Variants in EHD4 observed in about 807,000 individuals in gnomAD.
EHD4 encodes EH domain containing 4.
EHD4 carries 37 observed loss-of-function variants against 51.0 expected under a neutral mutation model. That is an observed-to-expected ratio of 0.73 (90% CI 0.56 to 0.95). The LOEUF is 0.95. Ranked by LOEUF, EHD4 falls within the 40% of genes least tolerant of loss-of-function variation. The pLI is 0.00. For missense variants in EHD4, 632 were observed against 733.1 expected (o/e 0.86, Z 1.59); for synonymous variants, 297 against 317.3 (o/e 0.94, Z 0.68).
chr15:41,911,111 A>G (rs2067546719), intron 4 of EHD4, among the ~76,000 whole-genome samples: 1 of 152,178 alleles, frequency 6.6e-6, no homozygotes, highest in Non-Finnish European at 1.5e-5. Context: ...GACACAGCCA[A>G]AAACATTTTG....
chr15:41,952,996 C>A (rs1371053885), intron 2 of EHD4, among the ~76,000 whole-genome samples: 16 of 81,202 alleles, frequency 2.0e-4, no homozygotes, highest in Non-Finnish European at 3.6e-4. Flanking sequence ...TCTTCCCCCC[C>A]GCAAAAAAAA....
intron 2 of EHD4, 28 bp downstream of exon 2, chr15:41,953,736 C>A: frequency 6.4e-7 from 1 of 1,566,204 alleles, no homozygotes; most frequent in East Asian, 2.3e-5. Flanking sequence ...AACAGCCTGA[C>A]CGAAGATGGC....
intron 3 of EHD4, among the ~76,000 whole-genome samples, chr15:41,927,245 T>C (rs1362662608): frequency 6.6e-6 from 1 of 152,248 alleles, no homozygotes; most frequent in African/African-American, 2.4e-5. Context: ...ATTTGGTTTA[T>C]TCCTCCAAAA....
intron 4 of EHD4, among the ~76,000 whole-genome samples, chr15:41,917,904 G>A (rs575971664): frequency 6.6e-6 from 1 of 152,304 alleles, no homozygotes; most frequent in East Asian, 1.9e-4. Flanking sequence ...GAGCCATATG[G>A]GAGGAATGCA....
chr15:41,950,951 T>A (rs1261747154), intron 2 of EHD4, among the ~76,000 whole-genome samples: 1 of 152,186 alleles, frequency 6.6e-6, no homozygotes, highest in African/African-American at 2.4e-5. Context: ...TGGGACATAA[T>A]CACCGTCATC....
chr15:41,927,839 G>A (rs530740312), intron 3 of EHD4, among the ~76,000 whole-genome samples: 20 of 152,280 alleles, frequency 1.3e-4, no homozygotes, highest in Admixed American at 6.5e-4. Context: ...GGTAGATTTC[G>A]TTAAGTGTTC....
chr15:41,931,062 C>T (rs2067695013), intron 3 of EHD4, among the ~76,000 whole-genome samples: 2 of 152,182 alleles, frequency 1.3e-5, no homozygotes, highest in South Asian at 2.1e-4. Flanking sequence ...AATAAAAAGA[C>T]CGCCGCTCCT....
intron 5 of EHD4, among the ~76,000 whole-genome samples, chr15:41,905,952 G>T (rs916635551): frequency 6.6e-5 from 10 of 152,248 alleles, no homozygotes; most frequent in Non-Finnish European, 8.8e-5. Flanking sequence ...GATTACAGGC[G>T]TAAGCCACTA....
intron 3 of EHD4, among the ~76,000 whole-genome samples, chr15:41,937,638 G>A (rs1049910952): frequency 6.6e-6 from 1 of 152,222 alleles, no homozygotes; most frequent in African/African-American, 2.4e-5. Flanking sequence ...ACCAAAGCCT[G>A]AGAGGGGAAG....
At chr15:41,910,742 T>C (rs1397663040) in intron 4 of EHD4, among the ~76,000 whole-genome samples, 2 of 152,184 alleles carry the variant, frequency 1.3e-5, no homozygotes, top group African/African-American at 2.4e-5. Context: ...CTAATTTTTG[T>C]ATTTTTAGTA....
At position 41,945,368 on chromosome 15, in the gene EHD4, CTGACA is replaced by C. The variant is rs1425185172; in HGVS notation, c.414-2209_414-2205del. The stretch of plus-strand genomic sequence containing the variant: ...AGCCTTTCCACAGCTCCCAGGCCTC[CTGACA>C]TGACAGCAGAGGCCAGGCACGGGAG... On this transcript the variant is annotated intron_variant, in intron 2 of 5. Transcript: ENST00000220325. 2.6e-5 allele frequency among the ~76,000 whole-genome samples: 4 copies of C among 152,352 alleles called. No homozygotes were observed. In the East Asian group the frequency reaches 7.7e-4, roughly 29 times the overall value.
At chr15:41,947,983 G>A (rs1295348175) in intron 2 of EHD4, among the ~76,000 whole-genome samples, 11 of 150,240 alleles carry the variant, frequency 7.3e-5, no homozygotes, top group African/African-American at 2.4e-4. Flanking sequence ...TAGGCCAGGC[G>A]CGGTGGCTCA....
At chr15:41,932,992 G>A (rs969183052) in intron 3 of EHD4, among the ~76,000 whole-genome samples, 1 of 152,226 alleles carries the variant, frequency 6.6e-6, no homozygotes, top group African/African-American at 2.4e-5. Flanking sequence ...CATGATCCAT[G>A]TTAAATGGTT....
chr15:41,938,621 A>G (rs1566823120), intron 3 of EHD4, among the ~76,000 whole-genome samples: 1 of 152,230 alleles, frequency 6.6e-6, no homozygotes, highest in Non-Finnish European at 1.5e-5. Context: ...TTCCTGAGAG[A>G]ATAAGTCGAT....
intron 1 of EHD4, among the ~76,000 whole-genome samples, chr15:41,970,395 T>C (rs905884078): frequency 9.2e-5 from 14 of 152,106 alleles, no homozygotes; most frequent in African/African-American, 3.4e-4. Context: ...TGCTGAGAGG[T>C]GGCCAATTTG....
chr15:41,937,527 A>G (rs961365071), intron 3 of EHD4, among the ~76,000 whole-genome samples: 2 of 152,218 alleles, frequency 1.3e-5, no homozygotes, highest in African/African-American at 4.8e-5. Context: ...GGATAGACAC[A>G]TAGAGCAATG....
intron 5 of EHD4, among the ~76,000 whole-genome samples, chr15:41,907,867 TGTGTATA>T (rs945208190): frequency 4.0e-5 from 4 of 100,460 alleles, no homozygotes; most frequent in Non-Finnish European, 8.4e-5. Context: ...TGTGTGTGTG[TGTGTATA>T]TATTTATTTA....
chr15:41,972,390 C>T lies in EHD4; in HGVS notation c.105G>A (p.Lys35=), dbSNP rs2068004227. Residue 35 remains lysine (K), a synonymous_variant, in exon 1 of 6, where the codon AAG becomes AAA. Coordinates refer to ENST00000220325, the MANE Select transcript of EHD4 (RefSeq NM_139265.4). ...GGTACGCCTCCTCCAGCGGCAGCAC[C>T]TTGCGCAGGTAGAGCGAGCGCAGCC... ...TGGLRSLYLR[K]VLPLEEAYRF... The T allele has an allele frequency of 6.2e-7, 1 of 1,610,868 alleles. No homozygotes were observed. Among genetic ancestry groups the T allele is most frequent in the Non-Finnish European group, 8.5e-7 (1 of 1,178,890 alleles).
Position 41,899,250 on chromosome 15 carries a change from GAA to G in EHD4, c.*1393_*1394del, listed in dbSNP as rs1386154921. ...GAGATGAGGCAGGGAGATTTGCAAGGAAAAGTCACCTACCTCCCCAAGCTGGT... is the reference window on the plus strand; with the variant it reads ...GAGATGAGGCAGGGAGATTTGCAAGGAAGTCACCTACCTCCCCAAGCTGGT... On this transcript the variant is annotated 3_prime_UTR_variant, in exon 6 of 6. Transcript: ENST00000220325. 1 of 152,180 alleles carries G rather than the reference GAA, an allele frequency of 6.6e-6. No individual in the cohort carries two copies. The highest frequency in any genetic ancestry group is 2.4e-5 in the African/African-American group (1 of 41,434). The allele number at this position is 152,180 out of a possible 1,614,324, so 9.4% of individuals were successfully genotyped here.
Sources: gnomAD v4.1 joint callset for allele counts (sites outside exome capture counted in the v4.1 genomes callset) on GRCh38, gnomAD v4.1.1 for gene constraint, MANE v1.5 for transcripts, NCBI Gene and HGNC (gene_info 2026-07-23, HGNC 2026-07-21) for gene names.